MGAT4D: variants seen among roughly 807,000 people sequenced by gnomAD.
MGAT4D encodes alpha-1,3-mannosyl-glycoprotein 4-beta-N-acetylglucosaminyltransferase-like protein MGAT4D.
In MGAT4D, 34 loss-of-function variants were observed where a neutral mutation model predicts 15.9. The observed-to-expected ratio is 2.14, with a 90% CI of 1.62 to 2.84. The LOEUF (loss-of-function observed/expected upper bound fraction) is 2.84, where lower values mean the gene tolerates loss of function less well. MGAT4D is among the 30% of genes most tolerant of loss of function. MGAT4D has a pLI of 0.00. For missense variants in MGAT4D, 327 were observed against 140.2 expected, an observed-to-expected ratio of 2.33 and a Z score of -6.73; for synonymous variants, 112 against 48.2, an observed-to-expected ratio of 2.33 and a Z score of -5.49.
In MGAT4D at chr4:140,466,553, C is replaced by G. The variant is rs543761387; in HGVS notation, c.573-1544G>C. Among the ~76,000 whole-genome samples, 3 of 152,142 alleles carry G rather than the reference C, an allele frequency of 2.0e-5. No individual in the cohort carries two copies. The South Asian group carries it at 6.2e-4, about 32-fold the overall frequency. The stretch of plus-strand genomic sequence containing the variant: ...TCTTGATAAAATTTTTAAAAGAAAT[C>G]AAATCATTAATACTCAATAATTTTA... On this transcript the variant is annotated intron_variant, in intron 5 of 10. Coordinates refer to ENST00000511113, the MANE Select transcript of MGAT4D (RefSeq NM_001277353.2).
intron 10 of MGAT4D, 29 bp from the exon 11 acceptor site, chr4:140,443,473 T>C (rs1729898976): frequency 5.8e-6 from 3 of 519,662 alleles, no homozygotes; most frequent in Non-Finnish European, 1.0e-5. Context: ...ATGTAACATC[T>C]AGAAATAATA....
rs1345392742 is a variant in MGAT4D, at chr4:140,442,641, T to C, written c.*795A>G. 1.3e-5 allele frequency: 2 copies of C among 152,064 alleles called. No homozygotes were observed. The highest frequency in any genetic ancestry group is 2.9e-5 in the Non-Finnish European group (2 of 67,962). The allele number at this position is 152,064 out of a possible 1,614,324, so 9.4% of individuals were successfully genotyped here. A position where few individuals can be genotyped will look rare whatever the true frequency, so the allele number is the denominator to read the frequency against. ...CAAAACCAACACTTTTAAAAACAAA[T>C]GAATATAACATATTTAAAAGGGAGT... is the stretch of plus-strand genomic sequence containing the variant. On this transcript the variant is annotated 3_prime_UTR_variant, in exon 11 of 11. Transcript: ENST00000511113.
At chr4:140,480,543 G>T (rs531142886) in intron 2 of MGAT4D, among the ~76,000 whole-genome samples, 1 of 152,160 alleles carries the variant, frequency 6.6e-6, no homozygotes, top group Non-Finnish European at 1.5e-5. Context: ...ATCAGAAAGA[G>T]AATGAAAGAG....
intron 1 of MGAT4D, among the ~76,000 whole-genome samples, chr4:140,494,991 G>GT (rs1435282909): frequency 6.6e-6 from 1 of 152,150 alleles, no homozygotes; most frequent in African/African-American, 2.4e-5. Flanking sequence ...ATATTTAAAT[G>GT]TATGTGTGAG....
chr4:140,465,260 A>T (rs908971803), intron 5 of MGAT4D, among the ~76,000 whole-genome samples: 4 of 152,354 alleles, frequency 2.6e-5, no homozygotes, highest in African/African-American at 9.6e-5. Context: ...TGACATTTTT[A>T]AAGTTTATAG....
chr4:140,448,558 G>C (rs1273136170), intron 10 of MGAT4D, among the ~76,000 whole-genome samples: 1 of 152,116 alleles, frequency 6.6e-6, no homozygotes, highest in Non-Finnish European at 1.5e-5. Flanking sequence ...AGGTCAGTTA[G>C]ATTATTTTTT....
chr4:140,449,441 G>A (rs1027967642), intron 10 of MGAT4D, among the ~76,000 whole-genome samples: 2 of 152,096 alleles, frequency 1.3e-5, no homozygotes, highest in African/African-American at 4.8e-5. Flanking sequence ...TAATAAAACT[G>A]TAGAAAATTT....
chr4:140,484,756 C>T (rs576386005), intron 1 of MGAT4D, among the ~76,000 whole-genome samples: 1 of 152,212 alleles, frequency 6.6e-6, no homozygotes, highest in Non-Finnish European at 1.5e-5. Context: ...TGAACAGACA[C>T]TTCTCAGAAG....
At chr4:140,477,129 T>C (rs561230686) in intron 3 of MGAT4D, among the ~76,000 whole-genome samples, 1 of 152,330 alleles carries the variant, frequency 6.6e-6, no homozygotes, top group African/African-American at 2.4e-5. Context: ...ATCTGACTTT[T>C]GCATGTTTCT....
rs577586036 is a variant in MGAT4D, at chr4:140,456,725, G to GA, written c.878-7dup. ...CTCAGATCTAAACAGCTTTCCTATGGAAAAAAATACAATTAGATGCAAATA... is the reference window on the plus strand; with the variant it reads ...CTCAGATCTAAACAGCTTTCCTATGGAAAAAAAATACAATTAGATGCAAATA... On this transcript the variant is annotated splice_region_variant and splice_polypyrimidine_tract_variant and intron_variant, in intron 8 of 10. Transcript: ENST00000511113. 175 of 637,460 alleles carry GA rather than the reference G, an allele frequency of 2.7e-4. No homozygotes were observed. The African/African-American group carries it at 2.9e-3, about 10-fold the overall frequency. 39.5% of individuals were successfully genotyped at this position (637,460 alleles called of 1,614,324 possible).
At chr4:140,474,776 G>A (rs181397009) in intron 4 of MGAT4D, 37 bp downstream of exon 4, 2 of 585,286 alleles carry the variant, frequency 3.4e-6, no homozygotes, top group African/African-American at 1.9e-5. Flanking sequence ...AGACCATAGG[G>A]TGAGGATAAG....
At chr4:140,459,709 C>T (rs1339841065) in intron 7 of MGAT4D, 83 bp from the exon 8 acceptor site, 1 of 347,596 alleles carries the variant, frequency 2.9e-6, no homozygotes, top group Non-Finnish European at 5.1e-6. Flanking sequence ...ATAAAAAATA[C>T]AACTGAATAT....
At chr4:140,450,383 C>T (rs1730397524) in intron 10 of MGAT4D, among the ~76,000 whole-genome samples, 1 of 152,178 alleles carries the variant, frequency 6.6e-6, no homozygotes, top group Non-Finnish European at 1.5e-5. Flanking sequence ...ATAGACCAAT[C>T]TATTTCTGCA....
At chr4:140,451,302 T>A (rs943562018) in intron 10 of MGAT4D, 108 bp downstream of exon 10, 5 of 401,976 alleles carry the variant, frequency 1.2e-5, no homozygotes, top group African/African-American at 6.2e-5. Context: ...GAATTCTGCT[T>A]AAACAACCAT....
At chr4:140,473,779 G>C (rs1340210149) in intron 4 of MGAT4D, among the ~76,000 whole-genome samples, 2 of 152,014 alleles carry the variant, frequency 1.3e-5, no homozygotes, top group Non-Finnish European at 2.9e-5. Flanking sequence ...GCTCATTACA[G>C]GCTCTACCTC....
intron 1 of MGAT4D, among the ~76,000 whole-genome samples, chr4:140,484,469 T>C (rs986882410): frequency 2.6e-5 from 4 of 152,144 alleles, no homozygotes; most frequent in Non-Finnish European, 5.9e-5. Flanking sequence ...GGAGGCTCCT[T>C]ACCTTCAGGA....
Position 140,456,014 on chromosome 4 carries a change from A to G in MGAT4D, c.1008+575T>C, listed in dbSNP as rs542139569. ...TAGCTGGGCATGGTGGCGTGCACCT[A>G]TAGTCCCAGTTACTGAGGAGGCTGA... On this transcript the variant is annotated intron_variant, in intron 9 of 10. Transcript: ENST00000511113. Among the ~76,000 whole-genome samples, 10 of 152,152 alleles carry G rather than the reference A, an allele frequency of 6.6e-5. No homozygotes were observed. The South Asian group carries it at 2.1e-3, about 32-fold the overall frequency.
At chr4:140,474,199 G>T (rs145785424) in intron 4 of MGAT4D, among the ~76,000 whole-genome samples, 1 of 152,148 alleles carries the variant, frequency 6.6e-6, no homozygotes. Flanking sequence ...AATCTTTGGG[G>T]TCATTAGAGA....
intron 6 of MGAT4D, among the ~76,000 whole-genome samples, chr4:140,464,172 T>C (rs1731375751): frequency 1.3e-5 from 2 of 152,156 alleles, no homozygotes; most frequent in African/African-American, 4.8e-5. Context: ...TGACACACCA[T>C]TTATAATTTT....
Sources: allele counts gnomAD v4.1 joint callset (sites outside exome capture counted in the v4.1 genomes callset), GRCh38; gene constraint gnomAD v4.1.1; transcripts MANE v1.5; gene names NCBI Gene and HGNC (gene_info 2026-07-23, HGNC 2026-07-21).